CAMKK2: variants seen among roughly 807,000 people sequenced by gnomAD.
CAMKK2 encodes calcium/calmodulin-dependent protein kinase kinase 2.
In CAMKK2, 30 loss-of-function variants were observed where a neutral mutation model predicts 67.2. That is an observed-to-expected ratio of 0.45 (90% confidence interval 0.33 to 0.61). The LOEUF is 0.61. Among genes scored for constraint, CAMKK2 ranks in the 20% least tolerant of loss-of-function variants. CAMKK2 has a pLI of 0.02. For missense variants in CAMKK2, 643 were observed against 802.0 expected (o/e 0.80, Z 2.39); for synonymous variants, 322 against 326.2 (o/e 0.99, Z 0.14).
intron 1 of CAMKK2, among the ~76,000 whole-genome samples, chr12:121,286,202 T>C (rs1400202965): frequency 6.6e-6 from 1 of 152,222 alleles, no homozygotes; most frequent in African/African-American, 2.4e-5. Flanking sequence ...GAAGCTGCTG[T>C]CTCCCTACAC....
At chr12:121,295,998 G>C (rs1359538565) in intron 1 of CAMKK2, among the ~76,000 whole-genome samples, 1 of 152,210 alleles carries the variant, frequency 6.6e-6, no homozygotes, top group East Asian at 1.9e-4. Flanking sequence ...CGCATTCACA[G>C]CATACTGCAA....
At chr12:121,246,237 A>T (rs1176748683) in intron 14 of CAMKK2, among the ~76,000 whole-genome samples, 1 of 128,848 alleles carries the variant, frequency 7.8e-6, no homozygotes, top group Non-Finnish European at 1.6e-5. Context: ...ATTCTACCTC[A>T]ATTTAAAAGA....
At chr12:121,270,091 GC>G (rs1895445171) in intron 3 of CAMKK2, among the ~76,000 whole-genome samples, 3 of 151,932 alleles carry the variant, frequency 2.0e-5, no homozygotes, top group African/African-American at 7.2e-5. Context: ...TATATTCCTT[GC>G]CAGGCAAGGT....
intron 1 of CAMKK2, among the ~76,000 whole-genome samples, chr12:121,274,805 C>CTTTTTTTTTT (rs140150523): frequency 9.8e-5 from 13 of 132,902 alleles, no homozygotes; most frequent in African/African-American, 1.4e-4. Flanking sequence ...CTTTTTTTTT[C>CTTTTTTTTTT]TTTTTTTTTT....
At chr12:121,279,811 G>C (rs1054548152) in intron 1 of CAMKK2, among the ~76,000 whole-genome samples, 1 of 152,194 alleles carries the variant, frequency 6.6e-6, no homozygotes, top group Non-Finnish European at 1.5e-5. Context: ...AGATGGACCC[G>C]GGACCCGGGC....
At chr12:121,244,766 C>T (rs1186036238) in intron 15 of CAMKK2, 151 bp from the exon 16 acceptor site, 1 of 652,938 alleles carries the variant, frequency 1.5e-6, no homozygotes. Context: ...TGAGTGGACA[C>T]CTCTCTGCAT....
In CAMKK2 at chr12:121,285,774, C is replaced by T. The variant is rs1351543536; in HGVS notation, c.-60+10864G>A. 6.6e-6 allele frequency among the ~76,000 whole-genome samples: 1 copy of T among 152,088 alleles called. No individual in the cohort carries two copies. The highest frequency in any genetic ancestry group is 1.5e-5 in the Non-Finnish European group (1 of 68,016). ...CAGCAGTGAGCCGTGATCATGCCACCGCACTCTAGCCTGGGTGACAGAGCG... is the reference window on the plus strand; with the variant it reads ...CAGCAGTGAGCCGTGATCATGCCACTGCACTCTAGCCTGGGTGACAGAGCG... On this transcript the variant is annotated intron_variant, in intron 1 of 16. Transcript: ENST00000404169. This position sits in a 1 kb window ranked among gnomAD's most constrained non-coding sequence, Gnocchi z 4.1.
chr12:121,247,310 T>C (rs539303310), intron 14 of CAMKK2, among the ~76,000 whole-genome samples: 2 of 152,126 alleles, frequency 1.3e-5, no homozygotes, highest in Non-Finnish European at 2.9e-5. Flanking sequence ...ATGGGGGTTT[T>C]GTTCATCACT....
chr12:121,240,177 G>A lies in CAMKK2; in HGVS notation c.*522C>T. The A allele has an allele frequency of 2.1e-6, 1 of 472,298 alleles. No homozygotes were observed. Among genetic ancestry groups the A allele is most frequent in the Middle Eastern group, 5.7e-4 (1 of 1,760 alleles). The allele number at this position is 472,298 out of a possible 1,614,324, so 29.3% of individuals were successfully genotyped here. A position where few individuals can be genotyped will look rare whatever the true frequency, so the allele number is the denominator to read the frequency against. On this transcript the variant is annotated 3_prime_UTR_variant, in exon 17 of 17. Transcript: ENST00000404169. The surrounding 1 kb of genome is among the most constrained non-coding windows in gnomAD (Gnocchi z 4.4). ...CATCAAAGCTCCCTGCAGCTACTGA[G>A]GGCCAGCCCTGCTCTGACTCCTTGA...
intron 1 of CAMKK2, among the ~76,000 whole-genome samples, chr12:121,284,080 G>C (rs371401149): frequency 1.3e-5 from 2 of 152,174 alleles, no homozygotes; most frequent in South Asian, 4.1e-4. Context: ...CCCTCCCCTC[G>C]GCCCACATCT....
rs781377596 is a variant in CAMKK2 at position 121,263,918 on chromosome 12, G to A, written c.647C>T (p.Thr216Ile). The A allele has an allele frequency of 1.1e-5, 17 of 1,606,338 alleles. No homozygotes were observed. The South Asian group carries it at 1.8e-4, about 17-fold the overall frequency. ...GATGCAGCCTCCAGGAGCTGGCCGG[G>A]TGCCTCGGGGTGGAGGGCGACCTGA... is the stretch of plus-strand genomic sequence containing the variant. Reference protein sequence around the residue: ...GFPRRPPPRGTRPAPGGCIQP... With the variant: ...GFPRRPPPRGIRPAPGGCIQP... Residue 216 changes from threonine (T) to isoleucine (I), a missense_variant, in exon 6 of 17, where the codon ACC (threonine) becomes ATC (isoleucine). Around this residue, in one of 3 missense-constraint regions of CAMKK2, gnomAD observed 483 missense variants for 625.8 expected, o/e 0.77. Transcript: ENST00000404169.
rs573719410 is a variant in CAMKK2 at position 121,279,818 on chromosome 12, G to A, written c.-59-5233C>T. On this transcript the variant is annotated intron_variant, in intron 1 of 16. Transcript: ENST00000404169. ...CCTGGAGCAGATGGACCCGGGACCCGGGCCAGGATGAGGGAAACGCTCCTT... is the reference window on the plus strand; with the variant it reads ...CCTGGAGCAGATGGACCCGGGACCCAGGCCAGGATGAGGGAAACGCTCCTT... 1.2e-4 allele frequency among the ~76,000 whole-genome samples: 19 copies of A among 152,314 alleles called. No homozygotes were observed. In the East Asian group the frequency reaches 1.7e-3, roughly 14 times the overall value.
rs1019058238 is a variant in CAMKK2, at chr12:121,245,034, T to C, written c.1553+106A>G. 14 of 768,978 alleles carry C rather than the reference T, an allele frequency of 1.8e-5. No homozygotes were observed. The highest frequency in any genetic ancestry group is 6.5e-5 in the South Asian group (4 of 61,974). The allele number at this position is 768,978 out of a possible 1,614,324, so 47.6% of individuals were successfully genotyped here. A position where few individuals can be genotyped will look rare whatever the true frequency, so the allele number is the denominator to read the frequency against. On this transcript the variant is annotated intron_variant, in intron 15 of 16. Transcript: ENST00000404169. This position sits in a 1 kb window ranked among gnomAD's most constrained non-coding sequence, Gnocchi z 5.8. ...TGGGTTTCATCTGAGTCTCTCCAGATGGCACCACTTCAGGGAGGACCTGTG... is the reference window on the plus strand; with the variant it reads ...TGGGTTTCATCTGAGTCTCTCCAGACGGCACCACTTCAGGGAGGACCTGTG...
At chr12:121,283,925 C>G (rs1898243019) in intron 1 of CAMKK2, among the ~76,000 whole-genome samples, 1 of 152,248 alleles carries the variant, frequency 6.6e-6, no homozygotes, top group Admixed American at 6.5e-5. Flanking sequence ...AAGAACTGCA[C>G]ACTGATAGCA....
At chr12:121,261,849 G>T (rs1893522450) in intron 6 of CAMKK2, among the ~76,000 whole-genome samples, 1 of 152,176 alleles carries the variant, frequency 6.6e-6, no homozygotes, top group Non-Finnish European at 1.5e-5. Flanking sequence ...GCTTCTCCCA[G>T]TGAGCTGGCT....
intron 5 of CAMKK2, among the ~76,000 whole-genome samples, chr12:121,267,103 CTT>C (rs1200740861): frequency 4.3e-4 from 15 of 35,112 alleles, no homozygotes; most frequent in African/African-American, 1.4e-3. Flanking sequence ...TTTAATTTAT[CTT>C]TTTTTTTTTT....
At chr12:121,244,767 C>T in intron 15 of CAMKK2, 152 bp from the exon 16 acceptor site, 2 of 649,108 alleles carry the variant, frequency 3.1e-6, no homozygotes, top group Non-Finnish European at 2.7e-6. Context: ...GAGTGGACAC[C>T]TCTCTGCATG....
At position 121,282,806 on chromosome 12, in the gene CAMKK2, G is replaced by A. The variant is rs545408505; in HGVS notation, c.-59-8221C>T. On this transcript the variant is annotated intron_variant, in intron 1 of 16. Coordinates refer to ENST00000404169, the MANE Select transcript of CAMKK2 (RefSeq NM_001270485.2). ...GTCTTGCTCTGTCCCCCGGGCTGGA[G>A]TGCAATGGCGCAATTTCGGCTTACT... Among the ~76,000 whole-genome samples, 291 of 152,106 alleles carry A rather than the reference G, an allele frequency of 1.9e-3. 1 individual carries two copies. Among genetic ancestry groups the A allele is most frequent in the South Asian group, 4.4e-3 (21 of 4,816 alleles).
At chr12:121,296,710 G>A (rs1210530484), upstream of CAMKK2, 2 of 147,674 alleles carry the variant, frequency 1.4e-5, no homozygotes, top group African/African-American at 4.9e-5. This position sits in a 1 kb window ranked among gnomAD's most constrained non-coding sequence, Gnocchi z 7.1. Context: ...AGCTTGCTCT[G>A]CGCGGCCGCG....
Sources: allele counts gnomAD v4.1 joint callset (sites outside exome capture counted in the v4.1 genomes callset), GRCh38; gene constraint gnomAD v4.1.1; regional missense constraint gnomAD v4.1.1; non-coding constraint Gnocchi (gnomAD v3.1); transcripts MANE v1.5; gene names NCBI Gene and HGNC (gene_info 2026-07-23, HGNC 2026-07-21).